Variants in MYO5B observed in about 807,000 individuals in gnomAD.
MYO5B encodes the protein unconventional myosin-Vb.
In MYO5B, 143 loss-of-function variants were observed where a neutral mutation model predicts 229.3. The observed-to-expected ratio is 0.62, with a 90% confidence interval of 0.54 to 0.72. The LOEUF is 0.72. Ranked by LOEUF, MYO5B falls within the 30% of genes least tolerant of loss-of-function variation. The pLI is 0.00. For synonymous variants in MYO5B, 918 were observed against 885.2 expected (o/e 1.04, Z -0.66); for missense variants, 2,321 against 2,331.0 (o/e 1.00, Z 0.09).
At chr18:49,866,327 C>A (rs2024396130) in intron 27 of MYO5B, among the ~76,000 whole-genome samples, 1 of 152,094 alleles carries the variant, frequency 6.6e-6, no homozygotes, top group Admixed American at 6.5e-5. Context: ...CCTCGGCCTC[C>A]CAAAGTGCTG....
chr18:50,123,912 C>T (rs79491114), intron 1 of MYO5B, among the ~76,000 whole-genome samples: 3,874 of 152,242 alleles, frequency 0.025, 164 homozygotes, highest in African/African-American at 0.089. Flanking sequence ...TGTATATATA[C>T]GATACACACA....
intron 29 of MYO5B, among the ~76,000 whole-genome samples, chr18:49,859,173 G>A (rs954361432): frequency 2.6e-5 from 4 of 152,166 alleles, no homozygotes; most frequent in African/African-American, 9.7e-5. Flanking sequence ...CCGTGGCCCG[G>A]GCTAATCACC....
chr18:50,055,224 T>TGGCCCCGCCC, intron 2 of MYO5B, 44 bp downstream of exon 2: 1 of 658,278 alleles, frequency 1.5e-6, no homozygotes, highest in Non-Finnish European at 2.9e-6. Context: ...CTGAGCTCCC[T>TGGCCCCGCCC]GCCCCACCTC....
chr18:50,150,651 G>A (rs1210645352), intron 1 of MYO5B, among the ~76,000 whole-genome samples: 1 of 152,154 alleles, frequency 6.6e-6, no homozygotes, highest in Admixed American at 6.5e-5. Flanking sequence ...CATGGACACA[G>A]GAGGGGGAAC....
At chr18:49,975,541 T>C (rs932311531) in intron 9 of MYO5B, among the ~76,000 whole-genome samples, 3 of 152,116 alleles carry the variant, frequency 2.0e-5, no homozygotes, top group African/African-American at 4.8e-5. Context: ...AACTTTTTTT[T>C]CCCCAAGAAG....
intron 4 of MYO5B, among the ~76,000 whole-genome samples, chr18:50,029,596 C>A (rs1310700224): frequency 6.6e-6 from 1 of 152,196 alleles, no homozygotes; most frequent in Admixed American, 6.5e-5. Flanking sequence ...AAGGATTCCA[C>A]CATTCACTGT....
intron 2 of MYO5B, among the ~76,000 whole-genome samples, chr18:50,043,444 T>TTGTATTAAATAATAAATACAA (rs2030111001): frequency 1.7e-5 from 2 of 120,624 alleles, no homozygotes; most frequent in African/African-American, 6.6e-5. Flanking sequence ...TATTAAATAT[T>TTGTATTAAATAATAAATACAA]AAATATTTAA....
At position 49,889,205 on chromosome 18, in the gene MYO5B, A is replaced by T. The variant is rs554881457; in HGVS notation, c.3045+5736T>A. On this transcript the variant is annotated intron_variant, in intron 22 of 39. Transcript: ENST00000285039. ...AGAATACATGAGCTTGTTTAATCAA[A>T]TAATTCAATTTAGGCAGCACATACA... Among the ~76,000 whole-genome samples the T allele has an allele frequency of 3.3e-5, 5 of 152,358 alleles. No homozygotes were observed. In the South Asian group the frequency reaches 1.0e-3, roughly 32 times the overall value.
intron 1 of MYO5B, among the ~76,000 whole-genome samples, chr18:50,185,426 T>C (rs2033134881): frequency 6.6e-6 from 1 of 152,204 alleles, no homozygotes; most frequent in Non-Finnish European, 1.5e-5. Flanking sequence ...AATTCCAGCT[T>C]TAGGAATTTA....
At chr18:49,968,428 A>G (rs529536549) in intron 10 of MYO5B, among the ~76,000 whole-genome samples, 9 of 152,372 alleles carry the variant, frequency 5.9e-5, no homozygotes, top group East Asian at 5.8e-4. Context: ...ATCCAAAGAC[A>G]TAAGTGATTA....
intron 1 of MYO5B, among the ~76,000 whole-genome samples, chr18:50,164,483 G>C (rs906811838): frequency 3.3e-5 from 5 of 152,138 alleles, no homozygotes; most frequent in Admixed American, 1.3e-4. Flanking sequence ...TTCTGTTTAA[G>C]GGAAATGCCC....
At chr18:49,834,944 A>G (rs181063722) in intron 39 of MYO5B, among the ~76,000 whole-genome samples, 38 of 152,308 alleles carry the variant, frequency 2.5e-4, no homozygotes, top group African/African-American at 8.9e-4. Context: ...GGCCTATATT[A>G]TAAGTCTTAG....
intron 33 of MYO5B, among the ~76,000 whole-genome samples, chr18:49,844,079 C>G (rs913966775): frequency 1.3e-5 from 2 of 152,238 alleles, no homozygotes; most frequent in African/African-American, 4.8e-5. Context: ...ACACTCCTGT[C>G]CCTGCCTGGG....
At chr18:50,093,899 G>A (rs1230849911) in intron 1 of MYO5B, among the ~76,000 whole-genome samples, 1 of 152,094 alleles carries the variant, frequency 6.6e-6, no homozygotes, top group Non-Finnish European at 1.5e-5. Flanking sequence ...TCTGGGAATT[G>A]CCCACCCCTT....
intron 1 of MYO5B, among the ~76,000 whole-genome samples, chr18:50,160,991 C>G (rs2032757070): frequency 6.6e-6 from 1 of 152,214 alleles, no homozygotes. Flanking sequence ...CCTGGGCTCT[C>G]AAGGCCACCC....
intron 4 of MYO5B, among the ~76,000 whole-genome samples, chr18:50,014,032 C>A (rs2026190069): frequency 6.6e-6 from 1 of 152,036 alleles, no homozygotes; most frequent in Non-Finnish European, 1.5e-5. Flanking sequence ...AATCTTTGAC[C>A]CCCTCAATTG....
intron 1 of MYO5B, among the ~76,000 whole-genome samples, chr18:50,073,851 T>A (rs997158179): frequency 7.2e-5 from 11 of 152,074 alleles, no homozygotes; most frequent in Non-Finnish European, 1.5e-4. Context: ...TTCCTATCTT[T>A]TTACCCTATT....
intron 1 of MYO5B, among the ~76,000 whole-genome samples, chr18:50,077,382 C>CGAG (rs2031109217): frequency 6.6e-6 from 1 of 151,978 alleles, no homozygotes; most frequent in Non-Finnish European, 1.5e-5. Flanking sequence ...TCGGAAGTCC[C>CGAG]TTTCTAAGAG....
chr18:50,180,540 T>C lies in MYO5B; in HGVS notation c.27+14227A>G, dbSNP rs561038620. ...CCGCTCCCCGAGTTTAGTTTTTACA[T>C]TGTGGTAAGATACACAAAATTTAGC... is the stretch of plus-strand genomic sequence containing the variant. On this transcript the variant is annotated intron_variant, in intron 1 of 39. Transcript: ENST00000285039. 3.9e-5 allele frequency among the ~76,000 whole-genome samples: 6 copies of C among 152,326 alleles called. No individual in the cohort carries two copies. The South Asian group carries it at 6.2e-4, about 16-fold the overall frequency.
Sources: allele counts gnomAD v4.1 joint callset (sites outside exome capture counted in the v4.1 genomes callset), GRCh38; gene constraint gnomAD v4.1.1; transcripts MANE v1.5; gene names NCBI Gene and HGNC (gene_info 2026-07-23, HGNC 2026-07-21).